FHIT: variants seen among roughly 807,000 people sequenced by gnomAD.
FHIT encodes the protein fragile histidine triad diadenosine triphosphatase, also known as bis(5'-adenosyl)-triphosphatase.
Under a neutral mutation model 17.9 loss-of-function variants are expected in FHIT, and 19 were observed. The ratio of observed to expected loss-of-function variants is 1.06; its 90% CI spans 0.74 to 1.56. The LOEUF (loss-of-function observed/expected upper bound fraction) is 1.56. Among genes scored for constraint, FHIT ranks in the 40% most tolerant of loss-of-function variants. The probability of loss-of-function intolerance (pLI) is 0.00; values close to 1 mark genes in which losing one functional copy is unlikely to be tolerated. For synonymous variants in FHIT, 81 were observed against 69.7 expected (o/e 1.16, Z -0.81); for missense variants, 248 against 189.2 (o/e 1.31, Z -1.82).
chr3:60,799,323 T>C (rs536701148), intron 4 of FHIT, among the ~76,000 whole-genome samples: 1 of 152,258 alleles, frequency 6.6e-6, no homozygotes, highest in South Asian at 2.1e-4. Flanking sequence ...CACGGGCATG[T>C]GCCACCATGC....
At chr3:60,711,626 A>T (rs1169910617) in intron 4 of FHIT, among the ~76,000 whole-genome samples, 1 of 152,258 alleles carries the variant, frequency 6.6e-6, no homozygotes, top group Non-Finnish European at 1.5e-5. Context: ...TACGTGAAGA[A>T]TGCAGAGGCC....
chr3:59,764,417 C>A (rs1166964753), intron 8 of FHIT, among the ~76,000 whole-genome samples: 1 of 152,156 alleles, frequency 6.6e-6, no homozygotes, highest in Non-Finnish European at 1.5e-5. Flanking sequence ...GTCACGATTC[C>A]TTCTTTCTAC....
intron 5 of FHIT, among the ~76,000 whole-genome samples, chr3:60,263,777 A>C (rs1174283642): frequency 6.6e-6 from 1 of 151,924 alleles, no homozygotes; most frequent in East Asian, 1.9e-4. Context: ...GCTGTATATA[A>C]ATGATATCAA....
At chr3:60,550,239 G>C (rs1254783230) in intron 4 of FHIT, among the ~76,000 whole-genome samples, 1 of 152,158 alleles carries the variant, frequency 6.6e-6, no homozygotes, top group Non-Finnish European at 1.5e-5. Flanking sequence ...TGAATGGTTG[G>C]AGACATATAT....
intron 7 of FHIT, among the ~76,000 whole-genome samples, chr3:59,952,946 T>C (rs146241303): frequency 6.6e-6 from 1 of 152,134 alleles, no homozygotes; most frequent in African/African-American, 2.4e-5. Flanking sequence ...GTCCACAATC[T>C]AAATCTAGGG....
At chr3:60,174,192 G>A (rs1448215877) in intron 5 of FHIT, among the ~76,000 whole-genome samples, 1 of 151,620 alleles carries the variant, frequency 6.6e-6, no homozygotes, top group Non-Finnish European at 1.5e-5. Context: ...TTACAGGCGT[G>A]AGCCACCGTG....
At chr3:60,129,042 C>CTTTTTTTTTTT (rs1360333142) in intron 5 of FHIT, among the ~76,000 whole-genome samples, 28 of 113,000 alleles carry the variant, frequency 2.5e-4, no homozygotes, top group African/African-American at 9.2e-4. Context: ...TTCTTCTTTC[C>CTTTTTTTTTTT]TTTTTTGTTT....
intron 4 of FHIT, among the ~76,000 whole-genome samples, chr3:60,556,334 T>C (rs1408493846): frequency 1.3e-5 from 2 of 152,200 alleles, no homozygotes; most frequent in Non-Finnish European, 2.9e-5. Flanking sequence ...AAGAAGGAGC[T>C]GGTCCCTCTG....
intron 5 of FHIT, among the ~76,000 whole-genome samples, chr3:60,513,334 A>G (rs1021557669): frequency 6.6e-6 from 1 of 152,206 alleles, no homozygotes; most frequent in Non-Finnish European, 1.5e-5. Flanking sequence ...CAGACCACCC[A>G]TGGAATTTCC....
intron 5 of FHIT, among the ~76,000 whole-genome samples, chr3:60,124,039 G>GAGACAGAGAGAGAGAGAGAC (rs1705415878): frequency 8.8e-6 from 1 of 113,824 alleles, no homozygotes; most frequent in Admixed American, 8.9e-5. Flanking sequence ...GAGAGAGAGA[G>GAGACAGAGAGAGAGAGAGAC]AGAGAGAGAG....
At chr3:60,350,412 T>G (rs1025759593) in intron 5 of FHIT, among the ~76,000 whole-genome samples, 1 of 152,186 alleles carries the variant, frequency 6.6e-6, no homozygotes, top group Admixed American at 6.5e-5. Context: ...TCCCATGATT[T>G]TATATATACA....
chr3:60,418,143 G>A (rs376818849), intron 5 of FHIT, among the ~76,000 whole-genome samples: 74 of 151,688 alleles, frequency 4.9e-4, no homozygotes, highest in Middle Eastern at 3.4e-3. Context: ...TTGTGATCTC[G>A]GCTAAAAGAC....
intron 2 of FHIT, among the ~76,000 whole-genome samples, chr3:61,050,028 C>T (rs759759192): frequency 9.9e-5 from 15 of 152,174 alleles, no homozygotes; most frequent in Admixed American, 3.9e-4. Flanking sequence ...TCATACTTCA[C>T]CTCTTCCCAC....
chr3:60,017,833 G>A (rs765299448), intron 5 of FHIT, among the ~76,000 whole-genome samples: 20 of 152,248 alleles, frequency 1.3e-4, no homozygotes, highest in Non-Finnish European at 2.2e-4. Context: ...AGACATATTC[G>A]CATTAGTCAG....
chr3:60,880,674 G>A lies in FHIT; in HGVS notation c.-110-58663C>T, dbSNP rs185814289. On this transcript the variant is annotated intron_variant, in intron 3 of 9. Transcript: ENST00000492590. ...TTGTACCCAGGAGGTGGAGGTTGCAGTGAGCTGAGATCGTGCCATTGCATT... is the reference window on the plus strand; with the variant it reads ...TTGTACCCAGGAGGTGGAGGTTGCAATGAGCTGAGATCGTGCCATTGCATT... Among the ~76,000 whole-genome samples the A allele has an allele frequency of 3.2e-3, 483 of 152,344 alleles. 5 individuals are homozygous for A. Among genetic ancestry groups the A allele is most frequent in the African/African-American group, 0.011 (463 of 41,582 alleles).
At chr3:60,310,727 C>T (rs973170280) in intron 5 of FHIT, among the ~76,000 whole-genome samples, 7 of 152,064 alleles carry the variant, frequency 4.6e-5, no homozygotes, top group South Asian at 4.2e-4. Context: ...ACAAAGGGCT[C>T]ATTTACAAAT....
intron 1 of FHIT, among the ~76,000 whole-genome samples, chr3:61,202,030 GTATATATATACCTACA>G (rs1437308424): frequency 6.6e-6 from 1 of 150,780 alleles, no homozygotes; most frequent in Non-Finnish European, 1.5e-5. Context: ...ATACACATGT[GTATATATATACCTACA>G]TATATATACA....
chr3:60,556,897 C>G (rs1200760459), intron 4 of FHIT, among the ~76,000 whole-genome samples: 9 of 152,292 alleles, frequency 5.9e-5, no homozygotes, highest in Middle Eastern at 3.4e-3. Flanking sequence ...CATTTTTATA[C>G]AGCTAAGAGA....
At chr3:60,002,255 T>A (rs1424623664) in intron 7 of FHIT, among the ~76,000 whole-genome samples, 1 of 152,166 alleles carries the variant, frequency 6.6e-6, no homozygotes. Flanking sequence ...TTATGTTGAA[T>A]AAGCCTAGAA....
Sources: gnomAD v4.1 joint callset for allele counts (sites outside exome capture counted in the v4.1 genomes callset) on GRCh38, gnomAD v4.1.1 for gene constraint, MANE v1.5 for transcripts, NCBI Gene and HGNC (gene_info 2026-07-23, HGNC 2026-07-21) for gene names.